Variants in KCNMA1 observed in about 807,000 individuals in gnomAD.
KCNMA1 encodes the protein potassium calcium-activated channel subfamily M alpha 1.
Under a neutral mutation model 140.0 loss-of-function variants are expected in KCNMA1, and 29 were observed. That is an observed-to-expected ratio of 0.21 (90% CI 0.15 to 0.28). The LOEUF (loss-of-function observed/expected upper bound fraction) is 0.28, where lower values mean the gene tolerates loss of function less well. Ranked by LOEUF, KCNMA1 falls within the 10% of genes least tolerant of loss-of-function variation. The pLI is 1.00. For synonymous variants in KCNMA1, 612 were observed against 611.9 expected (o/e 1.00, Z 0.00); for missense variants, 880 against 1,602.2 (o/e 0.55, Z 7.70).
At chr10:77,595,153 C>T (rs2080453511) in intron 1 of KCNMA1, among the ~76,000 whole-genome samples, 1 of 152,094 alleles carries the variant, frequency 6.6e-6, no homozygotes, top group South Asian at 2.1e-4. Context: ...CGAGACTAGC[C>T]TGGCCAATAT....
intron 1 of KCNMA1, among the ~76,000 whole-genome samples, chr10:77,418,725 C>T (rs2096799023): frequency 6.6e-6 from 1 of 152,208 alleles, no homozygotes; most frequent in Non-Finnish European, 1.5e-5. Flanking sequence ...CTCCCTCCTA[C>T]CATGTCCCCT....
At chr10:76,898,049 A>G (rs74139848) in intron 25 of KCNMA1, among the ~76,000 whole-genome samples, 12,614 of 151,954 alleles carry the variant, frequency 0.083, 1,726 homozygotes, top group African/African-American at 0.28. Flanking sequence ...CATAAAACAT[A>G]TAATTATGAT....
chr10:77,251,328 C>G, intron 2 of KCNMA1, 72 bp from the exon 3 acceptor site: 1 of 1,190,244 alleles, frequency 8.4e-7, no homozygotes, highest in Non-Finnish European at 1.2e-6. Flanking sequence ...TGACACATAC[C>G]GAAGCAGCTT....
chr10:77,637,540 T>G lies in KCNMA1; in HGVS notation c.103A>C (p.Ser35Arg), dbSNP rs755591362. 41 of 1,545,976 alleles carry G rather than the reference T, an allele frequency of 2.7e-5. No individual in the cohort carries two copies. The highest frequency in any genetic ancestry group is 1.4e-5 in the Non-Finnish European group (16 of 1,140,982). ...MSSNIHANHL[S>R]LDASSSSSSS... is the part of the protein sequence containing the mutation. ...GAGGAGGAGGAGGACGCGTCTAGGC[T>G]GAGATGGTTCGCGTGGATATTGCTA... The change falls in exon 1 of 28, where the codon AGC becomes CGC. Residue 35 changes from serine (S) to arginine (R), a missense_variant. Ser to Arg is a moderately radical substitution (Grantham distance 110, BLOSUM62 -1). Coordinates refer to ENST00000286628, the MANE Select transcript of KCNMA1 (RefSeq NM_001161352.2).
rs141327604 is a variant in KCNMA1, at chr10:77,482,911, C to A, written c.379-78888G>T. On this transcript the variant is annotated intron_variant, in intron 1 of 27. Coordinates refer to ENST00000286628, the MANE Select transcript of KCNMA1 (RefSeq NM_001161352.2). The stretch of plus-strand genomic sequence containing the variant: ...CCAAGTCTCTCTCTTGCTCTCCTTC[C>A]CTCCTTTCCTCCTTCCCTTTCTCCC... Among the ~76,000 whole-genome samples, 107 of 151,142 alleles carry A rather than the reference C, an allele frequency of 7.1e-4. 1 individual carries two copies. In the East Asian group the frequency reaches 0.018, roughly 26 times the overall value.
chr10:77,075,998 C>T (rs2096383909), intron 13 of KCNMA1, among the ~76,000 whole-genome samples: 1 of 152,180 alleles, frequency 6.6e-6, no homozygotes. Context: ...CCACCCCTCC[C>T]TCCTCTCATG....
chr10:76,983,951 T>C (rs2080382346), intron 19 of KCNMA1, among the ~76,000 whole-genome samples: 1 of 151,988 alleles, frequency 6.6e-6, no homozygotes. Context: ...GGTTGAAAAA[T>C]TGGGTATGTG....
At chr10:77,126,058 C>T (rs959741674) in intron 5 of KCNMA1, among the ~76,000 whole-genome samples, 5 of 152,096 alleles carry the variant, frequency 3.3e-5, no homozygotes, top group African/African-American at 1.2e-4. Context: ...GAGAGGAGAC[C>T]AAGATAAGAG....
intron 3 of KCNMA1, among the ~76,000 whole-genome samples, chr10:77,194,277 T>C (rs2039676639): frequency 6.6e-6 from 1 of 152,174 alleles, no homozygotes; most frequent in Non-Finnish European, 1.5e-5. Flanking sequence ...GGTACTCCCA[T>C]AGCATAACAG....
intron 3 of KCNMA1, among the ~76,000 whole-genome samples, chr10:77,211,870 G>T (rs1306600473): frequency 6.6e-6 from 1 of 152,290 alleles, no homozygotes; most frequent in Admixed American, 6.5e-5. Context: ...AATCGTCAGA[G>T]AAATTCAAAT....
chr10:77,204,713 CTCTGTGA>C (rs2043515111), intron 3 of KCNMA1, among the ~76,000 whole-genome samples: 1 of 152,178 alleles, frequency 6.6e-6, no homozygotes, highest in Admixed American at 6.5e-5. Flanking sequence ...ATCATGTAGA[CTCTGTGA>C]TAAGATGATA....
At chr10:77,366,120 T>TTTTC (rs1349232513) in intron 2 of KCNMA1, among the ~76,000 whole-genome samples, 2 of 98,626 alleles carry the variant, frequency 2.0e-5, no homozygotes, top group African/African-American at 8.9e-5. Context: ...CTTTCTTTCT[T>TTTTC]TTTCTTTTCT....
Position 77,086,386 on chromosome 10 carries a change from C to G in KCNMA1, c.1440+102G>C. The G allele has an allele frequency of 3.5e-6, 3 of 846,310 alleles. No homozygotes were observed. The South Asian group carries it at 4.1e-5, about 12-fold the overall frequency. The allele number at this position is 846,310 out of a possible 1,614,324, so 52.4% of individuals were successfully genotyped here. A position where few individuals can be genotyped will look rare whatever the true frequency, so the allele number is the denominator to read the frequency against. ...CTCATTAGGTGTTTAGGAGATGACT[C>G]GTGGCCAACCTAGGAGGTGTGTCCC... On this transcript the variant is annotated intron_variant, in intron 11 of 27. Transcript: ENST00000286628.
intron 1 of KCNMA1, among the ~76,000 whole-genome samples, chr10:77,461,690 C>A (rs1341562164): frequency 2.0e-5 from 3 of 152,176 alleles, no homozygotes; most frequent in Non-Finnish European, 2.9e-5. Context: ...GTTGCCCCAA[C>A]TAGACAGGTC....
chr10:77,559,233 A>G (rs2154558534), intron 1 of KCNMA1, among the ~76,000 whole-genome samples: 1 of 152,290 alleles, frequency 6.6e-6, no homozygotes, highest in Admixed American at 6.5e-5. Flanking sequence ...CAGGGTGAAA[A>G]TATTGAAATC....
intron 16 of KCNMA1, among the ~76,000 whole-genome samples, chr10:77,025,242 G>GTATATATATATATATA (rs1183311699): frequency 8.7e-4 from 37 of 42,664 alleles, no homozygotes; most frequent in East Asian, 3.6e-3. Flanking sequence ...GGGTGTGTGT[G>GTATATATATATATATA]TATATATATA....
chr10:76,905,689 G>A (rs1171063460), intron 25 of KCNMA1, among the ~76,000 whole-genome samples: 1 of 152,166 alleles, frequency 6.6e-6, no homozygotes, highest in Non-Finnish European at 1.5e-5. Flanking sequence ...TCTGACCACT[G>A]AGGGTAAAAC....
chr10:77,003,816 G>A (rs1349471317), intron 18 of KCNMA1, among the ~76,000 whole-genome samples: 3 of 152,172 alleles, frequency 2.0e-5, no homozygotes, highest in African/African-American at 7.2e-5. Flanking sequence ...GGGGAGGGAT[G>A]ATGGGGATGA....
rs190414398 is a variant in KCNMA1, at chr10:76,983,378, A to G, written c.2267-13311T>C. ...TAAAAACTCAAAAGAGAGAAATCCT[A>G]TTCAAAGAGTAAAATACTGCCTATG... is the stretch of plus-strand genomic sequence containing the variant. On this transcript the variant is annotated intron_variant, in intron 19 of 27. Coordinates refer to ENST00000286628, the MANE Select transcript of KCNMA1 (RefSeq NM_001161352.2). Among the ~76,000 whole-genome samples, 6 of 152,346 alleles carry G rather than the reference A, an allele frequency of 3.9e-5. No homozygotes were observed. The East Asian group carries it at 9.6e-4, about 24-fold the overall frequency.
Sources: allele counts gnomAD v4.1 joint callset (sites outside exome capture counted in the v4.1 genomes callset), GRCh38; gene constraint gnomAD v4.1.1; transcripts MANE v1.5; gene names NCBI Gene and HGNC (gene_info 2026-07-23, HGNC 2026-07-21).